The following FHIT variants were observed in gnomAD, a reference collection of about 807,000 sequenced individuals.
FHIT encodes the protein bis(5'-adenosyl)-triphosphatase.
In FHIT, 19 loss-of-function variants were observed where a neutral mutation model predicts 17.9. That is an observed-to-expected ratio of 1.06 (90% CI 0.74 to 1.56). The LOEUF (loss-of-function observed/expected upper bound fraction) is 1.56. FHIT is among the 40% of genes most tolerant of loss of function. The pLI, the probability that FHIT is intolerant of heterozygous loss-of-function variation, is 0.00. For missense variants in FHIT, 248 were observed against 189.2 expected (o/e 1.31, Z -1.82); for synonymous variants, 81 against 69.7 (o/e 1.16, Z -0.81).
At chr3:60,401,060 C>A (rs1312024846) in intron 5 of FHIT, among the ~76,000 whole-genome samples, 2 of 152,022 alleles carry the variant, frequency 1.3e-5, no homozygotes, top group Non-Finnish European at 2.9e-5. Flanking sequence ...GCTGGCCTGC[C>A]CCTGGAGACA....
intron 4 of FHIT, 85 bp from the exon 5 acceptor site, chr3:60,537,064 C>T: frequency 9.2e-7 from 1 of 1,088,286 alleles, no homozygotes; most frequent in Non-Finnish European, 1.3e-6. Flanking sequence ...AATTCCATTA[C>T]TACAGATTCT....
In FHIT at chr3:60,676,935, C is replaced by G. The variant is rs542563896; in HGVS notation, c.-17-139956G>C. On this transcript the variant is annotated intron_variant, in intron 4 of 9. Transcript: ENST00000492590. The stretch of plus-strand genomic sequence containing the variant: ...TGTCACCTAGGCTGGAATGCCGTGG[C>G]GCCATCTTGGCTCACTACAACTTCC... 3.9e-5 allele frequency among the ~76,000 whole-genome samples: 6 copies of G among 152,236 alleles called. 1 individual carries two copies. Among genetic ancestry groups the G allele is most frequent in the African/African-American group, 1.2e-4 (5 of 41,558 alleles).
intron 3 of FHIT, among the ~76,000 whole-genome samples, chr3:60,825,092 A>C (rs1326529619): frequency 6.6e-6 from 1 of 152,238 alleles, no homozygotes; most frequent in Non-Finnish European, 1.5e-5. Context: ...ATATTATTCT[A>C]GTTTACTTCC....
At chr3:60,241,957 T>C (rs956543451) in intron 5 of FHIT, among the ~76,000 whole-genome samples, 1 of 152,068 alleles carries the variant, frequency 6.6e-6, no homozygotes, top group African/African-American at 2.4e-5. Context: ...AGCTCCTAGG[T>C]AGAGAAAAAT....
chr3:59,881,125 T>A (rs1703392924), intron 8 of FHIT, among the ~76,000 whole-genome samples: 1 of 152,196 alleles, frequency 6.6e-6, no homozygotes, highest in East Asian at 1.9e-4. Flanking sequence ...GTGCCACGTC[T>A]CAACAATTCT....
At chr3:60,385,526 AAGTT>A (rs1263614816) in intron 5 of FHIT, among the ~76,000 whole-genome samples, 1 of 152,214 alleles carries the variant, frequency 6.6e-6, no homozygotes, top group African/African-American at 2.4e-5. Flanking sequence ...CATTTTATAT[AAGTT>A]AGTTATCCTT....
chr3:61,162,820 A>G (rs1233750706), intron 2 of FHIT, among the ~76,000 whole-genome samples: 8 of 152,150 alleles, frequency 5.3e-5, no homozygotes, highest in African/African-American at 1.7e-4. Flanking sequence ...ACCCTCAGAA[A>G]CCAGTTTTGC....
rs369591749 is a variant in FHIT, at chr3:60,423,774, C to T, written c.103+113086G>A. Among the ~76,000 whole-genome samples, 460 of 152,264 alleles carry T rather than the reference C, an allele frequency of 3.0e-3. 1 individual carries two copies. Among genetic ancestry groups the T allele is most frequent in the Non-Finnish European group, 4.9e-3 (335 of 68,034 alleles). On this transcript the variant is annotated intron_variant, in intron 5 of 9. Coordinates refer to ENST00000492590, the MANE Select transcript of FHIT (RefSeq NM_002012.4). Reference sequence around the variant, plus strand: ...CATTAGCACACCTGAAACTACCACACTAATGTGGCTTTTCAGGGCAGGATG... The same window carrying T: ...CATTAGCACACCTGAAACTACCACATTAATGTGGCTTTTCAGGGCAGGATG...
intron 3 of FHIT, among the ~76,000 whole-genome samples, chr3:60,840,858 A>C (rs1553744908): frequency 6.6e-6 from 1 of 152,224 alleles, no homozygotes; most frequent in Admixed American, 6.5e-5. Flanking sequence ...CATCTCATAT[A>C]TGCAGTTTTC....
chr3:61,142,805 A>G (rs1317734768), intron 2 of FHIT, among the ~76,000 whole-genome samples: 2 of 152,226 alleles, frequency 1.3e-5, no homozygotes, highest in African/African-American at 4.8e-5. Flanking sequence ...TTAGGCTGTT[A>G]GCCTGTAATG....
chr3:60,719,011 T>C (rs1430734102), intron 4 of FHIT, among the ~76,000 whole-genome samples: 1 of 152,026 alleles, frequency 6.6e-6, no homozygotes, highest in African/African-American at 2.4e-5. Context: ...CTCAGGCATA[T>C]ACCTGAACTG....
At chr3:60,971,608 C>T (rs1710017781) in intron 3 of FHIT, among the ~76,000 whole-genome samples, 1 of 151,810 alleles carries the variant, frequency 6.6e-6, no homozygotes, top group Non-Finnish European at 1.5e-5. Flanking sequence ...TGTTTTTTCC[C>T]CCATGGGTAT....
chr3:61,148,393 T>A (rs1299124592), intron 2 of FHIT, among the ~76,000 whole-genome samples: 1 of 152,204 alleles, frequency 6.6e-6, no homozygotes, highest in African/African-American at 2.4e-5. Flanking sequence ...CCTATTTTTC[T>A]GGCTTCTAGT....
Position 60,280,543 on chromosome 3 carries a change from G to A in FHIT, c.103+256317C>T, listed in dbSNP as rs377623572. Among the ~76,000 whole-genome samples the A allele has an allele frequency of 7.9e-5, 12 of 152,192 alleles. No homozygotes were observed. In the East Asian group the frequency reaches 2.3e-3, roughly 29 times the overall value. On this transcript the variant is annotated intron_variant, in intron 5 of 9. Coordinates refer to ENST00000492590, the MANE Select transcript of FHIT (RefSeq NM_002012.4). ...CACAGACTCATCAAGAAGCCAGTGT[G>A]ACCAGGAACACAGAGATCACTGTCA...
At chr3:60,442,631 T>C (rs916948470) in intron 5 of FHIT, among the ~76,000 whole-genome samples, 1 of 152,162 alleles carries the variant, frequency 6.6e-6, no homozygotes, top group African/African-American at 2.4e-5. Context: ...CATTGGTCTA[T>C]ATCTCTGTTT....
intron 8 of FHIT, among the ~76,000 whole-genome samples, chr3:59,849,822 AT>A (rs899692415): frequency 5.3e-5 from 8 of 152,224 alleles, no homozygotes; most frequent in Admixed American, 1.3e-4. Flanking sequence ...GGAGATATGC[AT>A]TGTTTCTGCA....
intron 8 of FHIT, among the ~76,000 whole-genome samples, chr3:59,908,925 G>A (rs1397894866): frequency 6.6e-6 from 1 of 151,250 alleles, no homozygotes; most frequent in African/African-American, 2.4e-5. Context: ...CACAGCAAGA[G>A]TTGACTTGGT....
intron 5 of FHIT, among the ~76,000 whole-genome samples, chr3:60,163,226 C>G (rs1377596647): frequency 2.0e-5 from 3 of 152,130 alleles, no homozygotes; most frequent in Non-Finnish European, 4.4e-5. Context: ...AGAAACAGAG[C>G]ACAGATTCAA....
At chr3:60,484,355 T>G (rs912576118) in intron 5 of FHIT, among the ~76,000 whole-genome samples, 1 of 152,192 alleles carries the variant, frequency 6.6e-6, no homozygotes, top group African/African-American at 2.4e-5. Flanking sequence ...GACCTCTGTA[T>G]AGCCAAGACA....
Sources: allele counts gnomAD v4.1 joint callset (sites outside exome capture counted in the v4.1 genomes callset), GRCh38; gene constraint gnomAD v4.1.1; transcripts MANE v1.5; gene names NCBI Gene and HGNC (gene_info 2026-07-23, HGNC 2026-07-21).